Variants in PDGFA observed in about 807,000 individuals in gnomAD.
PDGFA encodes the protein platelet-derived growth factor subunit A.
PDGFA carries 9 observed loss-of-function variants against 25.6 expected under a neutral mutation model. The observed-to-expected ratio is 0.35, with a 90% CI of 0.21 to 0.61. The LOEUF (loss-of-function observed/expected upper bound fraction) is 0.61. Ranked by LOEUF, PDGFA falls within the 20% of genes least tolerant of loss-of-function variation. The probability of loss-of-function intolerance (pLI) is 0.75; values close to 1 mark genes in which losing one functional copy is unlikely to be tolerated. For missense variants in PDGFA, 242 were observed against 272.8 expected (o/e 0.89, Z 0.79); for synonymous variants, 133 against 111.8 (o/e 1.19, Z -1.20).
At chr7:510,946 G>A (rs764800558) in exon 4 of PDGFA, 107 of 1,612,790 alleles carry the variant, frequency 6.6e-5, no homozygotes, top group Non-Finnish European at 8.5e-6. Context: ...TGACTCCGAG[G>A]AATCTCGTAA....
chr7:512,731 A>G, intron 2 of PDGFA: 3 of 1,242,800 alleles, frequency 2.4e-6, no homozygotes, highest in Non-Finnish European at 3.1e-6. Context: ...GACGAAGCGC[A>G]GGGCCCTTCG....
chr7:511,824 TC>T (rs1782863966), intron 3 of PDGFA, among the ~76,000 whole-genome samples: 1 of 151,472 alleles, frequency 6.6e-6, no homozygotes, highest in Non-Finnish European at 1.5e-5. Flanking sequence ...GGACAAAATA[TC>T]CCCCAAATGG....
exon 6 of PDGFA, chr7:498,336 T>C (rs1328355462): frequency 1.1e-5 from 6 of 543,312 alleles, no homozygotes; most frequent in Middle Eastern, 9.5e-4. Flanking sequence ...CTCTCTCTCT[T>C]TTTGACAAGG....
In PDGFA at chr7:515,151, G is replaced by A. The variant is rs148701566; in HGVS notation, c.160+2243C>T. ...TGCTTCCTACAGCGTGGGCCTTAGA[G>A]GCACCTAATGCCAAGAACATCAGCC... On this transcript the variant is annotated intron_variant, in intron 2 of 5. Transcript: ENST00000402802. Among the ~76,000 whole-genome samples the A allele has an allele frequency of 4.7e-3, 718 of 152,312 alleles. 3 individuals carry two copies. Among genetic ancestry groups the A allele is most frequent in the African/African-American group, 0.016 (654 of 41,564 alleles).
upstream of PDGFA, chr7:520,223 G>C (rs904841844): frequency 8.8e-6 from 2 of 227,930 alleles, no homozygotes; most frequent in South Asian, 7.9e-5. Context: ...CGGCGGCAGC[G>C]GGCAGCGCCC....
intron 4 of PDGFA, among the ~76,000 whole-genome samples, chr7:509,195 A>G (rs1245944970): frequency 6.6e-6 from 1 of 152,238 alleles, no homozygotes; most frequent in Non-Finnish European, 1.5e-5. Flanking sequence ...CTGCTGTGGC[A>G]GGAACGCCAG....
chr7:507,743 C>T (rs572413084), intron 4 of PDGFA, among the ~76,000 whole-genome samples: 23 of 152,218 alleles, frequency 1.5e-4, no homozygotes, highest in South Asian at 4.1e-4. Flanking sequence ...CCAAGGCCCA[C>T]CGAAAGGCAG....
upstream of PDGFA, chr7:520,098 TC>T: frequency 2.5e-6 from 1 of 393,502 alleles, no homozygotes; most frequent in Admixed American, 3.0e-5. Context: ...TCCGCGCCCC[TC>T]CCTCGAGCTT....
chr7:519,106 G>A (rs1783245961), exon 1 of PDGFA: 2 of 809,494 alleles, frequency 2.5e-6, no homozygotes, highest in Non-Finnish European at 3.7e-6. Flanking sequence ...CTTAGGGAGC[G>A]CGGCCCGGAG....
intron 2 of PDGFA, chr7:512,750 G>C (rs1782919659): frequency 9.4e-7 from 1 of 1,064,732 alleles, no homozygotes; most frequent in East Asian, 4.4e-5. Context: ...CGGGGAAGAG[G>C]TTGCAGGTGG....
chr7:497,639 C>T (rs922863726), exon 6 of PDGFA: 23 of 152,032 alleles, frequency 1.5e-4, no homozygotes, highest in African/African-American at 1.2e-4. Flanking sequence ...GGACGGCGTA[C>T]GATTGGTTGA....
intron 2 of PDGFA, among the ~76,000 whole-genome samples, chr7:516,050 C>CA (rs1201994227): frequency 3.0e-5 from 1 of 33,328 alleles, no homozygotes; most frequent in Non-Finnish European, 6.7e-5. Flanking sequence ...GCCCCCCCCC[C>CA]CCACTTTTCC....
At chr7:501,375 C>T (rs994079993) in intron 4 of PDGFA, 133 bp from the exon 5 acceptor site, 1 of 1,094,552 alleles carries the variant, frequency 9.1e-7, no homozygotes, top group East Asian at 2.4e-5. Context: ...AGAAACACTA[C>T]CTTGTGGTGG....
At position 517,408 on chromosome 7, in the gene PDGFA, TC is replaced by T; in HGVS notation, c.145del (p.Glu49ArgfsTer2). 7.2e-7 allele frequency: 1 copy of T among 1,384,376 alleles called. No individual in the cohort carries two copies. Among genetic ancestry groups the T allele is most frequent in the African/African-American group, 1.5e-5 (1 of 65,970 alleles). 85.8% of individuals were successfully genotyped at this position (1,384,376 alleles called of 1,614,324 possible). A position where few individuals can be genotyped will look rare whatever the true frequency, so the allele number is the denominator to read the frequency against. ...GCGCGATTTACCTACGGAGTCTATC[TC>T]CAGGAGTCGCTGGAGGTCCCGGATG... On this transcript the variant is annotated frameshift_variant, in exon 2 of 6. Coordinates refer to ENST00000402802, the Ensembl canonical transcript of PDGFA. LOFTEE classifies it high-confidence loss of function. This position sits in a 1 kb window ranked among gnomAD's most constrained non-coding sequence, Gnocchi z 7.4.
At chr7:520,081 C>G, upstream of PDGFA, 1 of 397,228 alleles carries the variant, frequency 2.5e-6, no homozygotes, top group Non-Finnish European at 5.0e-6. Context: ...CGGCTCCGCG[C>G]CGGGGCTCCG....
At chr7:502,820 T>A (rs1257872979) in intron 4 of PDGFA, among the ~76,000 whole-genome samples, 1 of 131,808 alleles carries the variant, frequency 7.6e-6, no homozygotes, top group African/African-American at 2.7e-5. Flanking sequence ...ATAATGCACA[T>A]ATAGGCCCTG....
chr7:520,659 C>G (rs984590147), upstream of PDGFA: 1 of 152,272 alleles, frequency 6.6e-6, no homozygotes, highest in Non-Finnish European at 1.5e-5. Flanking sequence ...CCTCCCGCGT[C>G]GGGATCCGTG....
chr7:504,540 G>C (rs962310726), intron 4 of PDGFA, among the ~76,000 whole-genome samples: 1 of 152,132 alleles, frequency 6.6e-6, no homozygotes, highest in African/African-American at 2.4e-5. Context: ...CCAGCAGGAG[G>C]AACAGCACCA....
At chr7:510,094 C>A (rs1305348332) in intron 4 of PDGFA, among the ~76,000 whole-genome samples, 1 of 152,194 alleles carries the variant, frequency 6.6e-6, no homozygotes, top group East Asian at 1.9e-4. Flanking sequence ...CCGCACAGGA[C>A]CCTCCAGGGC....
Sources: gnomAD v4.1 joint callset for allele counts (sites outside exome capture counted in the v4.1 genomes callset) on GRCh38, gnomAD v4.1.1 for gene constraint, Gnocchi (gnomAD v3.1) non-coding constraint, MANE v1.5 for transcripts, NCBI Gene and HGNC (gene_info 2026-07-23, HGNC 2026-07-21) for gene names.